WDR70: variants seen among roughly 807,000 people sequenced by gnomAD.
WDR70 encodes WD repeat domain 70.
In WDR70, 53 loss-of-function variants were observed where a neutral mutation model predicts 88.6. The ratio of observed to expected loss-of-function variants is 0.60; its 90% CI spans 0.48 to 0.75. The LOEUF is 0.75. Among genes scored for constraint, WDR70 ranks in the 30% least tolerant of loss-of-function variants. The pLI, the probability that WDR70 is intolerant of heterozygous loss-of-function variation, is 0.00. For synonymous variants in WDR70, 280 were observed against 270.0 expected (o/e 1.04, Z -0.36); for missense variants, 610 against 823.2 (o/e 0.74, Z 3.17).
chr5:37,567,017 A>G (rs1374609118), intron 9 of WDR70, among the ~76,000 whole-genome samples: 2 of 152,232 alleles, frequency 1.3e-5, no homozygotes, highest in Non-Finnish European at 2.9e-5. Flanking sequence ...TCCAAAATTA[A>G]TAATAGTATG....
intron 9 of WDR70, among the ~76,000 whole-genome samples, chr5:37,518,171 T>A (rs932151753): frequency 1.3e-5 from 2 of 152,080 alleles, no homozygotes; most frequent in African/African-American, 4.8e-5. Flanking sequence ...CACTTTGGCC[T>A]CCCAAAGTGC....
At chr5:37,446,147 A>G (rs1738469855) in intron 7 of WDR70, among the ~76,000 whole-genome samples, 2 of 152,234 alleles carry the variant, frequency 1.3e-5, no homozygotes, top group Non-Finnish European at 2.9e-5. Flanking sequence ...CACCAATAAC[A>G]GACACACAGA....
At chr5:37,606,562 T>C (rs1023902551) in intron 10 of WDR70, among the ~76,000 whole-genome samples, 4 of 152,192 alleles carry the variant, frequency 2.6e-5, no homozygotes, top group Non-Finnish European at 5.9e-5. Flanking sequence ...ATATAGTTTT[T>C]AAAGATTTGT....
At chr5:37,693,336 T>C (rs1280706231) in intron 10 of WDR70, among the ~76,000 whole-genome samples, 1 of 152,206 alleles carries the variant, frequency 6.6e-6, no homozygotes, top group Non-Finnish European at 1.5e-5. Flanking sequence ...CCAATGACTT[T>C]CTTCACAGAA....
chr5:37,686,287 C>T (rs116104080), intron 10 of WDR70, among the ~76,000 whole-genome samples: 3,274 of 151,168 alleles, frequency 0.022, 38 homozygotes, highest in Non-Finnish European at 0.035. Context: ...TGCACTCCAA[C>T]CTGGGTGACA....
chr5:37,406,981 C>T (rs915537601), intron 5 of WDR70, among the ~76,000 whole-genome samples: 11 of 152,184 alleles, frequency 7.2e-5, no homozygotes, highest in South Asian at 2.1e-4. Flanking sequence ...AAGGAACTAA[C>T]GAAAACTGTT....
At chr5:37,423,666 C>G (rs1197387535) in intron 5 of WDR70, among the ~76,000 whole-genome samples, 25 of 148,456 alleles carry the variant, frequency 1.7e-4, no homozygotes, top group Non-Finnish European at 1.5e-5. Context: ...TAGGTTCAAG[C>G]TATTTGCCTG....
At chr5:37,595,224 T>A (rs1743666962) in intron 9 of WDR70, among the ~76,000 whole-genome samples, 1 of 152,220 alleles carries the variant, frequency 6.6e-6, no homozygotes, top group African/African-American at 2.4e-5. Flanking sequence ...TCTACAAAAA[T>A]GCTATTAGAA....
chr5:37,679,300 G>T (rs1185121865), intron 10 of WDR70, among the ~76,000 whole-genome samples: 1 of 152,078 alleles, frequency 6.6e-6, no homozygotes, highest in Non-Finnish European at 1.5e-5. Context: ...TGGAGGAGGA[G>T]AGGCACCCTG....
At chr5:37,522,675 G>A (rs1741133226) in intron 9 of WDR70, among the ~76,000 whole-genome samples, 1 of 152,126 alleles carries the variant, frequency 6.6e-6, no homozygotes, top group Non-Finnish European at 1.5e-5. Context: ...GCCAAAGCAG[G>A]GCGAGGCATC....
At chr5:37,482,080 C>T (rs1392068703) in intron 8 of WDR70, among the ~76,000 whole-genome samples, 2 of 152,166 alleles carry the variant, frequency 1.3e-5, no homozygotes, top group African/African-American at 4.8e-5. Flanking sequence ...CCTTATTGTC[C>T]ATATCACTAT....
At chr5:37,417,593 C>T (rs922737792) in intron 5 of WDR70, among the ~76,000 whole-genome samples, 5 of 151,264 alleles carry the variant, frequency 3.3e-5, no homozygotes, top group Admixed American at 2.0e-4. Context: ...GCCTGGAGTG[C>T]AGTGGCACAA....
chr5:37,694,290 C>T (rs553024890), intron 10 of WDR70, among the ~76,000 whole-genome samples: 6 of 152,270 alleles, frequency 3.9e-5, no homozygotes, highest in East Asian at 1.9e-4. Context: ...GACAGTGTGG[C>T]GATTCCTCAA....
At chr5:37,590,641 G>A (rs1302576575) in intron 9 of WDR70, among the ~76,000 whole-genome samples, 1 of 152,120 alleles carries the variant, frequency 6.6e-6, no homozygotes, top group Non-Finnish European at 1.5e-5. Flanking sequence ...AGACACAAAG[G>A]GGGAAGAGCA....
intron 5 of WDR70, among the ~76,000 whole-genome samples, chr5:37,437,363 T>C (rs1750499358): frequency 1.3e-5 from 2 of 152,188 alleles, no homozygotes; most frequent in African/African-American, 4.8e-5. Context: ...CACTTTAAGG[T>C]ATGCCCCAGA....
rs187610190 is a variant in WDR70 at position 37,624,401 on chromosome 5, C to T, written c.1092+19163C>T. On this transcript the variant is annotated intron_variant, in intron 10 of 17. Coordinates refer to ENST00000265107, the MANE Select transcript of WDR70 (RefSeq NM_018034.4). The stretch of plus-strand genomic sequence containing the variant: ...TCTCTTTTATGACCGAGTAGTATTC[C>T]GTAGTGCATATATATATCACATTTA... Among the ~76,000 whole-genome samples the T allele has an allele frequency of 9.9e-5, 15 of 152,184 alleles. No homozygotes were observed. In the East Asian group the frequency reaches 1.3e-3, roughly 14 times the overall value.
At chr5:37,656,769 G>C (rs1745566921) in intron 10 of WDR70, among the ~76,000 whole-genome samples, 2 of 152,162 alleles carry the variant, frequency 1.3e-5, no homozygotes, top group Non-Finnish European at 2.9e-5. Flanking sequence ...GCCTCCTCAA[G>C]CCTCAATAAT....
intron 4 of WDR70, 149 bp downstream of exon 4, chr5:37,392,269 C>T: frequency 1.1e-6 from 1 of 919,340 alleles, no homozygotes; most frequent in South Asian, 1.9e-5. Context: ...CTGTAACCTC[C>T]ATCTCCTGGG....
intron 7 of WDR70, among the ~76,000 whole-genome samples, chr5:37,467,961 G>T (rs879407906): frequency 3.3e-5 from 5 of 152,010 alleles, no homozygotes; most frequent in African/African-American, 7.2e-5. Context: ...TGATCTGCCC[G>T]CCTCGGCCTC....
Sources: gnomAD v4.1 joint callset for allele counts (sites outside exome capture counted in the v4.1 genomes callset) on GRCh38, gnomAD v4.1.1 for gene constraint, MANE v1.5 for transcripts, NCBI Gene and HGNC (gene_info 2026-07-23, HGNC 2026-07-21) for gene names.